Variants in ITPRID2 observed in about 807,000 individuals in gnomAD.
The protein encoded by ITPRID2 is ITPR interacting domain containing 2, also known as protein ITPRID2.
In ITPRID2, 60 loss-of-function variants were observed where a neutral mutation model predicts 124.3. The observed-to-expected ratio is 0.48, with a 90% CI of 0.39 to 0.60. The LOEUF is 0.60. ITPRID2 is among the 20% of genes least tolerant of loss of function. ITPRID2 has a pLI of 0.00. For synonymous variants in ITPRID2, 521 were observed against 542.9 expected (o/e 0.96, Z 0.56); for missense variants, 1,553 against 1,512.2 (o/e 1.03, Z -0.45).
intron 8 of ITPRID2, among the ~76,000 whole-genome samples, chr2:181,904,006 T>C (rs1463342455): frequency 6.6e-6 from 1 of 152,204 alleles, no homozygotes; most frequent in East Asian, 1.9e-4. Flanking sequence ...AAATCTGATA[T>C]TGGCGACTCC....
In ITPRID2 at chr2:181,916,849, T is replaced by C. The variant is rs540217608; in HGVS notation, c.2787+422T>C. 1.9e-4 allele frequency: 190 copies of C among 1,002,932 alleles called. 1 individual carries two copies. In the African/African-American group the frequency reaches 3.0e-3, roughly 16 times the overall value. The allele number at this position is 1,002,932 out of a possible 1,614,324, so 62.1% of individuals were successfully genotyped here. ...TTTCCTTTTCCAAGTTTTCTCCCTG[T>C]TGGCTTCTGTGGCACCACGTTCTCC... On this transcript the variant is annotated intron_variant, in intron 11 of 17. Transcript: ENST00000431877.
At chr2:181,899,839 C>T (rs1253940424) in intron 6 of ITPRID2, among the ~76,000 whole-genome samples, 1 of 152,208 alleles carries the variant, frequency 6.6e-6, no homozygotes, top group East Asian at 1.9e-4. Context: ...CTCAAAAAAG[C>T]CAAACAGAAA....
At chr2:181,914,355 C>T (rs1170193177) in intron 10 of ITPRID2, among the ~76,000 whole-genome samples, 1 of 152,094 alleles carries the variant, frequency 6.6e-6, no homozygotes, top group African/African-American at 2.4e-5. Context: ...TGAGATAACC[C>T]AGAGAACAGG....
chr2:181,897,335 T>C (rs1692283830), intron 4 of ITPRID2, among the ~76,000 whole-genome samples: 1 of 152,044 alleles, frequency 6.6e-6, no homozygotes, highest in Non-Finnish European at 1.5e-5. Context: ...AATAGACTTA[T>C]GTCATACTTA....
Position 181,910,068 on chromosome 2 carries a change from G to A in ITPRID2, c.1486+97G>A. On this transcript the variant is annotated intron_variant, in intron 9 of 17. Coordinates refer to ENST00000431877, the MANE Select transcript of ITPRID2 (RefSeq NM_001130445.3). The surrounding 1 kb of genome is among the most constrained non-coding windows in gnomAD (Gnocchi z 4.1). ...GTATCAGTATTTGTAGTATTTATGA[G>A]TGTGAAAAGGCAAAGAACACACACA... The A allele has an allele frequency of 1.2e-6, 1 of 860,344 alleles. No individual in the cohort carries two copies. Among genetic ancestry groups the A allele is most frequent in the Non-Finnish European group, 1.8e-6 (1 of 553,722 alleles). The allele number at this position is 860,344 out of a possible 1,614,324, so 53.3% of individuals were successfully genotyped here.
rs911544129 is a variant in ITPRID2, at chr2:181,897,403, C to T, written c.364+439C>T. Among the ~76,000 whole-genome samples, 5 of 151,894 alleles carry T rather than the reference C, an allele frequency of 3.3e-5. No homozygotes were observed. In the East Asian group the frequency reaches 9.6e-4, roughly 29 times the overall value. ...GTGTCTCCTGTCTTTTCCCCATTTTCCTGATTTTTAGAAAATTAAAGGGGA... is the reference window on the plus strand; with the variant it reads ...GTGTCTCCTGTCTTTTCCCCATTTTTCTGATTTTTAGAAAATTAAAGGGGA... On this transcript the variant is annotated intron_variant, in intron 4 of 17. Transcript: ENST00000431877.
At chr2:181,900,926 C>T (rs757938444) in intron 7 of ITPRID2, 22 bp downstream of exon 7, 4 of 1,552,318 alleles carry the variant, frequency 2.6e-6, no homozygotes, top group South Asian at 1.2e-5. Flanking sequence ...AAGTGTTAGG[C>T]ATATTATTTT....
rs903489205 is a variant in ITPRID2, at chr2:181,905,905, G to T, written c.1413+3439G>T. Among the ~76,000 whole-genome samples, 1 of 152,124 alleles carries T rather than the reference G, an allele frequency of 6.6e-6. No individual in the cohort carries two copies. Among genetic ancestry groups the T allele is most frequent in the Non-Finnish European group, 1.5e-5 (1 of 68,022 alleles). On this transcript the variant is annotated intron_variant, in intron 8 of 17. Coordinates refer to ENST00000431877, the MANE Select transcript of ITPRID2 (RefSeq NM_001130445.3). The surrounding 1 kb of genome is among the most constrained non-coding windows in gnomAD (Gnocchi z 4.1). ...GTAACTGTGTATGTTTTGAAGATAAGCCTGCCCTGGAATATGAACTCTAAC... is the reference window on the plus strand; with the variant it reads ...GTAACTGTGTATGTTTTGAAGATAATCCTGCCCTGGAATATGAACTCTAAC...
chr2:181,915,854 G>A lies in ITPRID2; in HGVS notation c.2214G>A (p.Gln738=), dbSNP rs1330428542. ...AKAGYPLRRS[Q]SLPTTLLSPV... is the part of the protein sequence containing the mutation. ...CTGGCTATCCTCTAAGAAGGTCTCA[G>A]TCTTTACCAACCACCTTATTGAGCC... Residue 738 remains glutamine, a synonymous_variant, in exon 11 of 18, where the codon CAG becomes CAA. Transcript: ENST00000431877. The A allele has an allele frequency of 6.2e-7, 1 of 1,614,078 alleles. No homozygotes were observed.
chr2:181,891,974 C>A lies in ITPRID2; in HGVS notation c.-93C>A. The stretch of plus-strand genomic sequence containing the variant: ...CGCTTCAGCTCCCCGGGGCCCCCTG[C>A]CCGGCCGGGCGCTGACAGCAAGGGC... On this transcript the variant is annotated 5_prime_UTR_variant, in exon 1 of 18. Coordinates refer to ENST00000431877, the MANE Select transcript of ITPRID2 (RefSeq NM_001130445.3). The A allele has an allele frequency of 7.5e-7, 1 of 1,327,206 alleles. No individual in the cohort carries two copies. 82.2% of individuals were successfully genotyped at this position (1,327,206 alleles called of 1,614,324 possible). A position where few individuals can be genotyped will look rare whatever the true frequency, so the allele number is the denominator to read the frequency against.
chr2:181,921,040 C>T (rs575605988), intron 15 of ITPRID2, among the ~76,000 whole-genome samples: 1 of 152,248 alleles, frequency 6.6e-6, no homozygotes, highest in Admixed American at 6.5e-5. Context: ...AAAAATCAGC[C>T]AGGCATGGTG....
chr2:181,904,977 A>C (rs1692981430), intron 8 of ITPRID2, among the ~76,000 whole-genome samples: 1 of 152,148 alleles, frequency 6.6e-6, no homozygotes, highest in Admixed American at 6.5e-5. Flanking sequence ...AGAGACTTTC[A>C]GTTAAAAGTC....
In ITPRID2 at chr2:181,905,267, T is replaced by G. The variant is rs2125077590; in HGVS notation, c.1413+2801T>G. On this transcript the variant is annotated intron_variant, in intron 8 of 17. Transcript: ENST00000431877. This position sits in a 1 kb window ranked among gnomAD's most constrained non-coding sequence, Gnocchi z 4.1. ...GGTTTCACTACGTTGGCCAGGCTGG[T>G]CTCAAACTCCTGACCTCGTGATCTG... Among the ~76,000 whole-genome samples the G allele has an allele frequency of 6.6e-6, 1 of 152,162 alleles. No homozygotes were observed. Among genetic ancestry groups the G allele is most frequent in the Middle Eastern group, 3.4e-3 (1 of 292 alleles).
intron 4 of ITPRID2, 22 bp from the exon 5 acceptor site, chr2:181,898,858 C>CG (rs770877991): frequency 3.8e-6 from 6 of 1,570,600 alleles, no homozygotes; most frequent in Non-Finnish European, 5.3e-6. Context: ...TTGTGCTCTA[C>CG]GTTTATTGTT....
intron 16 of ITPRID2, 146 bp downstream of exon 16, chr2:181,922,558 T>C (rs992685481): frequency 2.4e-6 from 2 of 821,230 alleles, no homozygotes; most frequent in Non-Finnish European, 3.7e-6. Flanking sequence ...TTCCTGTTGA[T>C]CAAGTTTGTG....
intron 16 of ITPRID2, among the ~76,000 whole-genome samples, chr2:181,925,149 C>T (rs923215178): frequency 1.3e-5 from 2 of 151,990 alleles, no homozygotes; most frequent in East Asian, 3.8e-4. Flanking sequence ...TTGGTAAATA[C>T]ACAGCTTGCT....
At chr2:181,903,359 C>T (rs912428754) in intron 8 of ITPRID2, among the ~76,000 whole-genome samples, 4 of 152,050 alleles carry the variant, frequency 2.6e-5, no homozygotes, top group Admixed American at 6.6e-5. Context: ...TTATATAATG[C>T]GCAATTTGTC....
rs1333720782 is a variant in ITPRID2, at chr2:181,927,895, T to A, written c.3676-266T>A. Among the ~76,000 whole-genome samples, 3 of 152,244 alleles carry A rather than the reference T, an allele frequency of 2.0e-5. No homozygotes were observed. The East Asian group carries it at 5.8e-4, about 29-fold the overall frequency. On this transcript the variant is annotated intron_variant, in intron 16 of 17. Transcript: ENST00000431877. ...TATTTACTAGAAGTTTTTTAACTTATGAAATAACATTTTCTAATGTCCTCA... is the reference window on the plus strand; with the variant it reads ...TATTTACTAGAAGTTTTTTAACTTAAGAAATAACATTTTCTAATGTCCTCA...
chr2:181,917,023 T>C (rs991476301), intron 11 of ITPRID2: 9 of 984,158 alleles, frequency 9.1e-6, no homozygotes, highest in Non-Finnish European at 1.1e-5. Flanking sequence ...GTGAATTTGA[T>C]TTAAAATGCT....
Sources: gnomAD v4.1 joint callset for allele counts (sites outside exome capture counted in the v4.1 genomes callset) on GRCh38, gnomAD v4.1.1 for gene constraint, Gnocchi (gnomAD v3.1) non-coding constraint, MANE v1.5 for transcripts, NCBI Gene and HGNC (gene_info 2026-07-23, HGNC 2026-07-21) for gene names.